COL6A5: variants seen among roughly 807,000 people sequenced by gnomAD.
COL6A5 encodes collagen alpha-5(VI) chain.
A neutral mutation model predicts 65.6 loss-of-function variants in COL6A5; 48 were observed. The ratio of observed to expected loss-of-function variants is 0.73; its 90% CI spans 0.58 to 0.93. The LOEUF (loss-of-function observed/expected upper bound fraction) is 0.93, where lower values mean the gene tolerates loss of function less well. Among genes scored for constraint, COL6A5 ranks in the 40% least tolerant of loss-of-function variants. The probability of loss-of-function intolerance (pLI) is 0.00; values close to 1 mark genes in which losing one functional copy is unlikely to be tolerated. For synonymous variants in COL6A5, 291 were observed against 322.8 expected, an observed-to-expected ratio of 0.90 and a Z score of 1.05; for missense variants, 914 against 928.3, an observed-to-expected ratio of 0.98 and a Z score of 0.20.
At chr3:130,404,362 A>C (rs182941082) in intron 13 of COL6A5, among the ~76,000 whole-genome samples, 5 of 152,206 alleles carry the variant, frequency 3.3e-5, no homozygotes, top group African/African-American at 9.6e-5. Flanking sequence ...CCAGTTCCTC[A>C]TCTGGGCAGG....
chr3:130,368,728 A>G (rs762881149), intron 1 of COL6A5, among the ~76,000 whole-genome samples: 2 of 152,180 alleles, frequency 1.3e-5, no homozygotes, highest in Non-Finnish European at 2.9e-5. Flanking sequence ...GAGTGGTGCC[A>G]TGGAGGAAAC....
chr3:130,367,195 G>T, intron 1 of COL6A5, among the ~76,000 whole-genome samples: 1 of 152,150 alleles, frequency 6.6e-6, no homozygotes, highest in East Asian at 1.9e-4. Flanking sequence ...CCTGCCTTCT[G>T]TCCTAATCCA....
chr3:130,469,793 CA>C (rs1709905766), intron 6 of COL6A5, among the ~76,000 whole-genome samples: 1 of 151,996 alleles, frequency 6.6e-6, no homozygotes, highest in African/African-American at 2.4e-5. Context: ...GTGCAGTCCT[CA>C]GAGGAAAGTA....
chr3:130,426,227 T>C, exon 30 of COL6A5: 3 of 1,551,282 alleles, frequency 1.9e-6, no homozygotes, highest in Non-Finnish European at 2.6e-6. Flanking sequence ...ATTAAAGGCA[T>C]GGCAGGGCAG....
At chr3:130,358,192 A>T (rs951396889) in intron 1 of COL6A5, among the ~76,000 whole-genome samples, 2 of 152,220 alleles carry the variant, frequency 1.3e-5, no homozygotes, top group East Asian at 1.9e-4. Context: ...CCGTCTCAAA[A>T]AAAAAAATAA....
At chr3:130,347,015 G>A (rs557487065) in intron 1 of COL6A5, among the ~76,000 whole-genome samples, 10 of 152,276 alleles carry the variant, frequency 6.6e-5, no homozygotes, top group Admixed American at 5.9e-4. Context: ...AACTCCTTCA[G>A]ATGAGGCAGG....
chr3:130,397,956 C>T, intron 9 of COL6A5, 33 bp downstream of exon 9: 3 of 1,544,138 alleles, frequency 1.9e-6, no homozygotes, highest in Non-Finnish European at 1.8e-6. Context: ...CCCATCTCCA[C>T]ATTCTCCCAT....
chr3:130,424,639 C>T (rs957496425), intron 29 of COL6A5, among the ~76,000 whole-genome samples: 3 of 152,064 alleles, frequency 2.0e-5, no homozygotes. Flanking sequence ...GGTTCTTGAA[C>T]TTGGGACTTT....
chr3:130,445,051 T>G (rs1390659427), intron 4 of COL6A5, among the ~76,000 whole-genome samples: 1 of 152,186 alleles, frequency 6.6e-6, no homozygotes, highest in Non-Finnish European at 1.5e-5. Context: ...ATTTGCCAAT[T>G]TTTGATCGAT....
exon 4 of COL6A5, chr3:130,379,427 C>G (rs1312185629): frequency 6.4e-7 from 1 of 1,550,710 alleles, no homozygotes; most frequent in South Asian, 1.2e-5. Context: ...GTTCACTTCC[C>G]CATATCCTGT....
At chr3:130,375,964 G>A (rs1385236888) in intron 2 of COL6A5, among the ~76,000 whole-genome samples, 1 of 152,130 alleles carries the variant, frequency 6.6e-6, no homozygotes, top group East Asian at 1.9e-4. Context: ...GACTTTCTGA[G>A]TTGGTACAAT....
intron 6 of COL6A5, 99 bp from the exon 7 acceptor site, chr3:130,391,080 T>C: frequency 1.2e-6 from 1 of 800,410 alleles, no homozygotes; most frequent in Admixed American, 2.6e-5. Flanking sequence ...GTCTGACACA[T>C]AGTAGGCTCA....
intron 1 of COL6A5, among the ~76,000 whole-genome samples, chr3:130,433,848 T>A (rs1431657668): frequency 6.6e-6 from 1 of 152,196 alleles, no homozygotes; most frequent in Non-Finnish European, 1.5e-5. Context: ...TGCCCATTTT[T>A]ATTTTTCTGT....
upstream of COL6A5, among the ~76,000 whole-genome samples, chr3:130,426,678 A>G (rs1056392904): frequency 2.6e-5 from 4 of 152,190 alleles, no homozygotes; most frequent in African/African-American, 9.7e-5. Context: ...AGATGAGTGA[A>G]TTAACTCACA....
intron 5 of COL6A5, among the ~76,000 whole-genome samples, chr3:130,460,269 T>C (rs373548267): frequency 5.3e-5 from 8 of 152,114 alleles, no homozygotes; most frequent in South Asian, 2.1e-4. Context: ...TCTCAACCAC[T>C]GTGTTGCTCT....
chr3:130,391,285 G>A (rs1018686591), exon 7 of COL6A5: 3 of 1,551,674 alleles, frequency 1.9e-6, no homozygotes, highest in Non-Finnish European at 2.6e-6. Flanking sequence ...TCCATTTGGT[G>A]AAGAAAGCAG....
intron 3 of COL6A5, among the ~76,000 whole-genome samples, chr3:130,378,366 C>T (rs1935863229): frequency 6.6e-6 from 1 of 152,146 alleles, no homozygotes; most frequent in Non-Finnish European, 1.5e-5. Context: ...TGTCAATACT[C>T]ACATGCAATT....
intron 8 of COL6A5, among the ~76,000 whole-genome samples, chr3:130,397,203 A>G (rs920779393): frequency 6.6e-6 from 1 of 152,196 alleles, no homozygotes; most frequent in African/African-American, 2.4e-5. Context: ...GTGAATCAAA[A>G]TATGTCACCA....
At chr3:130,444,355 C>A (rs1290656230) in intron 4 of COL6A5, among the ~76,000 whole-genome samples, 2 of 151,440 alleles carry the variant, frequency 1.3e-5, no homozygotes, top group South Asian at 2.1e-4. Flanking sequence ...TAGGAAATCA[C>A]AAGGGTATTG....
Sources: allele counts gnomAD v4.1 joint callset (sites outside exome capture counted in the v4.1 genomes callset), GRCh38; gene constraint gnomAD v4.1.1; transcripts MANE v1.5; gene names NCBI Gene and HGNC (gene_info 2026-07-23, HGNC 2026-07-21).